Variants in EDAR observed in about 807,000 individuals in gnomAD.
EDAR encodes the protein tumor necrosis factor receptor superfamily member EDAR.
EDAR carries 38 observed loss-of-function variants against 51.3 expected under a neutral mutation model. That is an observed-to-expected ratio of 0.74 (90% CI 0.57 to 0.97). The LOEUF is 0.97. Ranked by LOEUF, EDAR falls within the 50% of genes least tolerant of loss-of-function variation. The pLI is 0.00. For synonymous variants in EDAR, 227 were observed against 242.1 expected (o/e 0.94, Z 0.58); for missense variants, 528 against 595.0 (o/e 0.89, Z 1.17).
chr2:108,918,834 G>A (rs910734682), intron 5 of EDAR, among the ~76,000 whole-genome samples: 58 of 151,974 alleles, frequency 3.8e-4, no homozygotes, highest in African/African-American at 1.4e-3. Flanking sequence ...CTCTGCAGAG[G>A]GTAAAAGATT....
intron 1 of EDAR, among the ~76,000 whole-genome samples, chr2:108,932,766 A>G (rs72937964): frequency 0.03 from 4,554 of 152,234 alleles, 145 homozygotes; most frequent in African/African-American, 0.078. Context: ...TGCCAAGTAC[A>G]TATGTGTTTT....
At chr2:108,926,434 G>C (rs1697256613) in intron 4 of EDAR, among the ~76,000 whole-genome samples, 1 of 152,174 alleles carries the variant, frequency 6.6e-6, no homozygotes, top group Non-Finnish European at 1.5e-5. Flanking sequence ...TTTTCCCAGA[G>C]AGTTCCTTTC....
At chr2:108,970,270 G>C (rs1255904836) in intron 1 of EDAR, among the ~76,000 whole-genome samples, 2 of 152,170 alleles carry the variant, frequency 1.3e-5, no homozygotes, top group Admixed American at 6.5e-5. Flanking sequence ...AGTTAAAGAA[G>C]CTTCTTTACG....
rs748224 is a variant in EDAR, at chr2:108,923,580, C to G, written c.357-127G>C. 85,412 of 766,116 alleles carry G rather than the reference C, an allele frequency of 0.11. 10,263 individuals are homozygous for G. Among genetic ancestry groups the G allele is most frequent in the African/African-American group, 0.5 (29,202 of 58,786 alleles). 47.5% of individuals were successfully genotyped at this position (766,116 alleles called of 1,614,324 possible). On this transcript the variant is annotated intron_variant, in intron 4 of 11. Transcript: ENST00000258443. ...CAAGTCGGGCATGAGGCCACGCCCA[C>G]TCAGTCACCTGCTCTGTCCACTCAG... is the stretch of plus-strand genomic sequence containing the variant.
At chr2:108,931,123 G>A in intron 1 of EDAR, 91 bp from the exon 2 acceptor site, 3 of 1,031,408 alleles carry the variant, frequency 2.9e-6, no homozygotes, top group Non-Finnish European at 4.6e-6. Context: ...GATATAAGGT[G>A]CCTTCCAGCA....
chr2:108,984,036 A>T (rs1698459364), intron 1 of EDAR, among the ~76,000 whole-genome samples: 1 of 152,184 alleles, frequency 6.6e-6, no homozygotes, highest in East Asian at 1.9e-4. Flanking sequence ...TGCACAACTT[A>T]TTGAGTCTTG....
intron 1 of EDAR, among the ~76,000 whole-genome samples, chr2:108,968,332 G>A (rs1002052438): frequency 6.6e-6 from 1 of 152,158 alleles, no homozygotes; most frequent in Non-Finnish European, 1.5e-5. Flanking sequence ...AGGTCTTCAA[G>A]CCTTTTTTTG....
chr2:108,896,913 T>C lies in EDAR; in HGVS notation c.1341A>G (p.Ala447=). The change falls in exon 12 of 12, where the codon GCA becomes GCG. Residue 447 remains alanine (A), a synonymous_variant. Transcript: ENST00000258443. The part of the protein sequence containing the change: ...VVPPASQPHA[A]S ...CAGCCCACAGGCATGCTTTTCAGGA[T>C]GCAGCATGTGGCTGGGAGGCAGGTG... 1 of 1,611,714 alleles carries C rather than the reference T, an allele frequency of 6.2e-7. No homozygotes were observed. The highest frequency in any genetic ancestry group is 8.5e-7 in the Non-Finnish European group (1 of 1,179,070).
intron 1 of EDAR, among the ~76,000 whole-genome samples, chr2:108,971,804 T>C (rs1464614535): frequency 6.6e-6 from 1 of 152,194 alleles, no homozygotes; most frequent in East Asian, 1.9e-4. Flanking sequence ...TTCCTCTCCC[T>C]GTGTGAACGG....
chr2:108,910,971 G>C lies in EDAR; in HGVS notation c.631C>G (p.Leu211Val), dbSNP rs1474131911. 1 of 1,614,044 alleles carries C rather than the reference G, an allele frequency of 6.2e-7. No homozygotes were observed. The highest frequency in any genetic ancestry group is 1.3e-5 in the African/African-American group (1 of 74,920). Reference protein sequence around the residue: ...AIVLIIMFYILKTKPSAPACC... With the variant: ...AIVLIIMFYIVKTKPSAPACC... Reference sequence around the variant, plus strand: ...CCTGGGGCAGAGGGCTTTGTCTTCAGGATGTAGAACATGATGATGAGGACG... The same window carrying C: ...CCTGGGGCAGAGGGCTTTGTCTTCACGATGTAGAACATGATGATGAGGACG... The change falls in exon 7 of 12, where the codon CTG becomes GTG. Residue 211 changes from leucine (L) to valine (V), a missense_variant. Physicochemically the swap from Leu to Val is conservative, Grantham distance 32. Transcript: ENST00000258443.
chr2:108,915,679 C>A (rs925363825), intron 5 of EDAR, among the ~76,000 whole-genome samples: 2 of 152,136 alleles, frequency 1.3e-5, no homozygotes, highest in African/African-American at 4.8e-5. Context: ...GCGGGAGGAT[C>A]ACCTAAGAGG....
At position 108,907,975 on chromosome 2, in the gene EDAR, C is replaced by T. The variant is rs967018496; in HGVS notation, c.848G>A (p.Ser283Asn). 2.5e-6 allele frequency: 4 copies of T among 1,612,562 alleles called. No homozygotes were observed. The highest frequency in any genetic ancestry group is 3.4e-6 in the Non-Finnish European group (4 of 1,179,006). The change falls in exon 10 of 12, where the codon AGC becomes AAC. Residue 283 changes from serine (S) to asparagine (N), a missense_variant. Coordinates refer to ENST00000258443, the MANE Select transcript of EDAR (RefSeq NM_022336.4). ...GGCGGGCTCCTCATCACTGTCGACG[C>T]TCCGGCTCAGCAGCTGCTCATTCTC... ...SSENEQLLSRSVDSDEEPAPD... is the reference protein window; with the variant it reads ...SSENEQLLSRNVDSDEEPAPD...
intron 1 of EDAR, among the ~76,000 whole-genome samples, chr2:108,957,069 C>T (rs1323773155): frequency 1.3e-5 from 2 of 152,214 alleles, no homozygotes; most frequent in Non-Finnish European, 2.9e-5. Context: ...GAATTACAGG[C>T]GTGAGCCGCC....
At chr2:108,978,958 C>G (rs558604558) in intron 1 of EDAR, among the ~76,000 whole-genome samples, 9 of 152,288 alleles carry the variant, frequency 5.9e-5, no homozygotes, top group African/African-American at 1.9e-4. Context: ...ACCATTAACC[C>G]GGGAAAGTTC....
At chr2:108,920,813 G>C (rs1697121776) in intron 5 of EDAR, among the ~76,000 whole-genome samples, 1 of 152,224 alleles carries the variant, frequency 6.6e-6, no homozygotes. Context: ...CTCATGATGT[G>C]CTTCTGGGAG....
chr2:108,924,869 G>A (rs1416644983), intron 4 of EDAR, among the ~76,000 whole-genome samples: 2 of 152,234 alleles, frequency 1.3e-5, no homozygotes, highest in Non-Finnish European at 2.9e-5. Context: ...TGTCTGCCAC[G>A]TGGCCTTGTG....
chr2:108,923,116 G>C (rs1001983771), intron 5 of EDAR, among the ~76,000 whole-genome samples: 2 of 152,176 alleles, frequency 1.3e-5, no homozygotes, highest in African/African-American at 2.4e-5. Flanking sequence ...GGCTCATGGA[G>C]GTTAAGTGAC....
At chr2:108,979,760 C>T (rs560789331) in intron 1 of EDAR, among the ~76,000 whole-genome samples, 2 of 152,232 alleles carry the variant, frequency 1.3e-5, no homozygotes, top group Admixed American at 6.5e-5. Context: ...GCCACTGAGG[C>T]GCATGTCACC....
At chr2:108,980,039 C>T (rs260608) in intron 1 of EDAR, among the ~76,000 whole-genome samples, 115,135 of 148,780 alleles carry the variant, frequency 0.77, 45,891 homozygotes, top group South Asian at 0.87. Context: ...GTATCAGTGA[C>T]CATGGACACA....
Sources: gnomAD v4.1 joint callset for allele counts (sites outside exome capture counted in the v4.1 genomes callset) on GRCh38, gnomAD v4.1.1 for gene constraint, MANE v1.5 for transcripts, NCBI Gene and HGNC (gene_info 2026-07-23, HGNC 2026-07-21) for gene names.